The following TAFA4 variants were observed in gnomAD, a reference collection of about 807,000 sequenced individuals.
TAFA4 encodes the protein chemokine-like protein TAFA-4.
A neutral mutation model predicts 21.1 loss-of-function variants in TAFA4; 20 were observed. That is an observed-to-expected ratio of 0.95 (90% CI 0.67 to 1.38). The LOEUF is 1.38. TAFA4 is among the 40% of genes most tolerant of loss of function. The pLI is 0.00. For synonymous variants in TAFA4, 71 were observed against 67.4 expected (o/e 1.05, Z -0.26); for missense variants, 211 against 180.9 (o/e 1.17, Z -0.95).
At chr3:68,862,077 G>C (rs2089352180) in intron 3 of TAFA4, among the ~76,000 whole-genome samples, 1 of 151,522 alleles carries the variant, frequency 6.6e-6, no homozygotes, top group Admixed American at 6.6e-5. Flanking sequence ...GTTATGACAG[G>C]ACAGCTTCCC....
chr3:68,828,520 T>C (rs948028750), intron 3 of TAFA4, among the ~76,000 whole-genome samples: 2 of 152,190 alleles, frequency 1.3e-5, no homozygotes, highest in African/African-American at 2.4e-5. Flanking sequence ...CATGGAATGT[T>C]CTTCCATTTG....
chr3:68,846,137 A>G (rs1324274115), intron 3 of TAFA4, among the ~76,000 whole-genome samples: 1 of 152,026 alleles, frequency 6.6e-6, no homozygotes. Flanking sequence ...TCACCCTGTC[A>G]CTTTCAGGTA....
intron 1 of TAFA4, among the ~76,000 whole-genome samples, chr3:68,903,850 T>C (rs887108710): frequency 6.6e-6 from 1 of 152,146 alleles, no homozygotes; most frequent in African/African-American, 2.4e-5. Flanking sequence ...GGACTCTCCA[T>C]CCTCAGAGGT....
chr3:68,763,014 G>A (rs995013862), intron 3 of TAFA4, among the ~76,000 whole-genome samples: 1 of 152,208 alleles, frequency 6.6e-6, no homozygotes, highest in African/African-American at 2.4e-5. Flanking sequence ...CTCCTGCCTG[G>A]GCAACAGAGC....
intron 3 of TAFA4, among the ~76,000 whole-genome samples, chr3:68,873,327 C>T (rs1387620957): frequency 1.5e-5 from 2 of 132,668 alleles, no homozygotes; most frequent in African/African-American, 5.8e-5. Flanking sequence ...CAGACAGACA[C>T]ACGCAGACAT....
At chr3:68,755,589 G>A (rs919180669) in intron 3 of TAFA4, among the ~76,000 whole-genome samples, 2 of 152,162 alleles carry the variant, frequency 1.3e-5, no homozygotes, top group Non-Finnish European at 2.9e-5. Context: ...CATGGCACCA[G>A]GGTTGGTCTA....
intron 1 of TAFA4, among the ~76,000 whole-genome samples, chr3:68,918,962 G>T (rs1036243126): frequency 6.6e-6 from 1 of 152,076 alleles, no homozygotes; most frequent in African/African-American, 2.4e-5. Context: ...CCTATTTCCT[G>T]TATACCAAGA....
intron 4 of TAFA4, among the ~76,000 whole-genome samples, chr3:68,746,476 T>A (rs1702459915): frequency 6.6e-6 from 1 of 152,220 alleles, no homozygotes; most frequent in Non-Finnish European, 1.5e-5. Flanking sequence ...GAATATATGC[T>A]TTATAAAATA....
chr3:68,825,147 C>A (rs1180493901), intron 3 of TAFA4, among the ~76,000 whole-genome samples: 2 of 152,038 alleles, frequency 1.3e-5, no homozygotes, highest in Non-Finnish European at 2.9e-5. Flanking sequence ...CCTCACAGGC[C>A]CCAGCATGTG....
chr3:68,907,333 A>C (rs541862601), intron 1 of TAFA4, among the ~76,000 whole-genome samples: 5 of 152,194 alleles, frequency 3.3e-5, no homozygotes, highest in South Asian at 4.1e-4. Context: ...CAGCTCTTTA[A>C]AGTCCCCTGC....
chr3:68,843,425 A>G (rs1704713543), intron 3 of TAFA4, among the ~76,000 whole-genome samples: 1 of 152,224 alleles, frequency 6.6e-6, no homozygotes, highest in African/African-American at 2.4e-5. Context: ...TTTTAGGCTG[A>G]GACAATGGGG....
At chr3:68,840,728 G>A (rs560986615) in intron 3 of TAFA4, among the ~76,000 whole-genome samples, 2 of 152,228 alleles carry the variant, frequency 1.3e-5, no homozygotes, top group South Asian at 4.2e-4. Flanking sequence ...AAAAAGTACA[G>A]TTCCACAGCT....
intron 1 of TAFA4, among the ~76,000 whole-genome samples, chr3:68,909,043 T>G (rs1164408618): frequency 6.6e-6 from 1 of 152,186 alleles, no homozygotes; most frequent in Non-Finnish European, 1.5e-5. Context: ...AGGAACTGAA[T>G]TTTTAGTTTT....
chr3:68,888,284 G>A (rs1331980723), intron 1 of TAFA4, among the ~76,000 whole-genome samples: 2 of 152,110 alleles, frequency 1.3e-5, no homozygotes, highest in African/African-American at 4.8e-5. Context: ...TTCTGCTTGA[G>A]ACTTCATCAG....
chr3:68,872,830 C>G (rs1287535190), intron 3 of TAFA4, among the ~76,000 whole-genome samples: 1 of 152,082 alleles, frequency 6.6e-6, no homozygotes, highest in African/African-American at 2.4e-5. Flanking sequence ...AACTGAGGCT[C>G]AGAGAGATTA....
intron 3 of TAFA4, among the ~76,000 whole-genome samples, chr3:68,830,502 G>A (rs1409885214): frequency 1.3e-5 from 2 of 152,192 alleles, no homozygotes; most frequent in Non-Finnish European, 2.9e-5. Context: ...GCAGTTTTGA[G>A]TGAGTTTTTT....
At chr3:68,868,970 G>A (rs560860589) in intron 3 of TAFA4, among the ~76,000 whole-genome samples, 6 of 151,618 alleles carry the variant, frequency 4.0e-5, no homozygotes, top group Admixed American at 6.6e-5. Context: ...ATTGAAAAAC[G>A]TTTAGCTAGA....
intron 3 of TAFA4, 65 bp from the exon 4 acceptor site, chr3:68,753,083 CA>C: frequency 6.8e-7 from 1 of 1,468,948 alleles, no homozygotes. Context: ...CCACCAAAAC[CA>C]AAATGATGCT....
intron 3 of TAFA4, among the ~76,000 whole-genome samples, chr3:68,810,494 G>T (rs548041612): frequency 2.0e-5 from 3 of 152,184 alleles, no homozygotes; most frequent in Non-Finnish European, 4.4e-5. Flanking sequence ...CTTTTCCAAC[G>T]GTCTTAGCAA....
Sources: allele counts gnomAD v4.1 joint callset (sites outside exome capture counted in the v4.1 genomes callset), GRCh38; gene constraint gnomAD v4.1.1; transcripts MANE v1.5; gene names NCBI Gene and HGNC (gene_info 2026-07-23, HGNC 2026-07-21).